CACNA1B: variants seen among roughly 807,000 people sequenced by gnomAD.
The protein encoded by CACNA1B is voltage-dependent N-type calcium channel subunit alpha-1B.
A neutral mutation model predicts 247.2 loss-of-function variants in CACNA1B; 70 were observed. The ratio of observed to expected loss-of-function variants is 0.28; its 90% CI spans 0.23 to 0.35. CACNA1B has a LOEUF of 0.35. Among genes scored for constraint, CACNA1B ranks in the 10% least tolerant of loss-of-function variants. The pLI, the probability that CACNA1B is intolerant of heterozygous loss-of-function variation, is 1.00. For missense variants in CACNA1B, 2,367 were observed against 3,197.4 expected (o/e 0.74, Z 6.26); for synonymous variants, 1,231 against 1,294.4 (o/e 0.95, Z 1.05).
In CACNA1B at chr9:137,971,423, A is replaced by G. The variant is rs367622683; in HGVS notation, c.1374A>G (p.Thr458=). ...GCGCCAGCCTCAAGAGCGGGAAGAC[A>G]GAGAGCTCGTCATACTTCCGGAGGA... The part of the protein sequence containing the change: ...FARASLKSGK[T]ESSSYFRRKE... The change falls in exon 11 of 47, where the codon ACA becomes ACG. Residue 458 remains threonine (T), a synonymous_variant. Coordinates refer to ENST00000371372, the MANE Select transcript of CACNA1B (RefSeq NM_000718.4). This position sits in a 1 kb window ranked among gnomAD's most constrained non-coding sequence, Gnocchi z 4.4. 57 of 1,613,512 alleles carry G rather than the reference A, an allele frequency of 3.5e-5. No homozygotes were observed. The African/African-American group carries it at 5.7e-4, about 16-fold the overall frequency.
At chr9:137,946,645 C>G (rs2133327260) in intron 6 of CACNA1B, among the ~76,000 whole-genome samples, 1 of 152,012 alleles carries the variant, frequency 6.6e-6, no homozygotes, top group East Asian at 1.9e-4. Flanking sequence ...TCATGTGAAC[C>G]AGGCAGTGGT....
chr9:138,061,401 C>T (rs1296669598), intron 31 of CACNA1B, among the ~76,000 whole-genome samples: 2 of 152,118 alleles, frequency 1.3e-5, no homozygotes, highest in African/African-American at 4.8e-5. Flanking sequence ...TGAGACAGGC[C>T]CCTTCTTCTT....
At position 137,957,627 on chromosome 9, in the gene CACNA1B, A is replaced by G; in HGVS notation, c.1273A>G (p.Arg425Gly). The change falls in exon 10 of 47, where the codon AGA becomes GGA. Residue 425 changes from arginine to glycine, a missense_variant. By Grantham distance (125) the Arg-to-Gly change is moderately radical. Around this residue, in one of 12 missense-constraint regions of CACNA1B, gnomAD observed 219 missense variants for 297.6 expected, o/e 0.74. Coordinates refer to ENST00000371372, the MANE Select transcript of CACNA1B (RefSeq NM_000718.4). This position sits in a 1 kb window ranked among gnomAD's most constrained non-coding sequence, Gnocchi z 4.7. ...VLKRAATKKS[R>G]NDLIHAEEGE... ...GAAGAGAGCGGCCACCAAGAAGAGC[A>G]GAAATGACCTGATCCACGCAGAGGA... is the stretch of plus-strand genomic sequence containing the variant. 6.2e-7 allele frequency: 1 copy of G among 1,602,300 alleles called. No individual in the cohort carries two copies. The highest frequency in any genetic ancestry group is 1.1e-5 in the South Asian group (1 of 87,976).
At chr9:138,037,573 CG>C (rs1473873812) in intron 20 of CACNA1B, among the ~76,000 whole-genome samples, 1 of 151,974 alleles carries the variant, frequency 6.6e-6, no homozygotes, top group African/African-American at 2.4e-5. Flanking sequence ...CCAGGAGAAT[CG>C]CTTGAACACG....
At chr9:138,000,261 G>A (rs962834903) in intron 15 of CACNA1B, among the ~76,000 whole-genome samples, 8 of 152,006 alleles carry the variant, frequency 5.3e-5, no homozygotes, top group Non-Finnish European at 1.2e-4. Flanking sequence ...ACTACGCCCG[G>A]CTAATTTTTT....
intron 39 of CACNA1B, among the ~76,000 whole-genome samples, chr9:138,110,824 A>G (rs1589133759): frequency 6.6e-6 from 1 of 152,226 alleles, no homozygotes; most frequent in Non-Finnish European, 1.5e-5. Flanking sequence ...AGTATTCCTA[A>G]TATATGAAGA....
chr9:137,928,822 CT>C (rs1957579269), intron 6 of CACNA1B, among the ~76,000 whole-genome samples: 1 of 152,160 alleles, frequency 6.6e-6, no homozygotes, highest in African/African-American at 2.4e-5. Flanking sequence ...AAGCACTAAC[CT>C]TTCTGTCTCT....
intron 31 of CACNA1B, among the ~76,000 whole-genome samples, chr9:138,065,864 T>C (rs1034913599): frequency 2.0e-5 from 3 of 152,066 alleles, no homozygotes; most frequent in Admixed American, 2.0e-4. Context: ...CTTTACAGAT[T>C]TGCCCAAGAT....
intron 11 of CACNA1B, 103 bp from the exon 12 acceptor site, chr9:137,975,804 T>TCAGCCCTGGGAAGGCC: frequency 1.4e-6 from 1 of 737,912 alleles, no homozygotes; most frequent in Admixed American, 2.1e-5. Flanking sequence ...CCTGGAAGGC[T>TCAGCCCTGGGAAGGCC]CAGCCCTGGG....
intron 20 of CACNA1B, among the ~76,000 whole-genome samples, chr9:138,038,077 T>C (rs578092808): frequency 1.3e-5 from 2 of 152,328 alleles, no homozygotes; most frequent in East Asian, 3.9e-4. Context: ...TTTATAAGTT[T>C]TCAAAATAAT....
intron 39 of CACNA1B, among the ~76,000 whole-genome samples, chr9:138,107,561 T>C (rs1961474328): frequency 6.6e-6 from 1 of 152,032 alleles, no homozygotes. Flanking sequence ...ATGTGGCCAC[T>C]CCTCTCCCTT....
At position 137,882,532 on chromosome 9, in the gene CACNA1B, C is replaced by G. The variant is rs1311038546; in HGVS notation, c.391-212C>G. 2.0e-5 allele frequency among the ~76,000 whole-genome samples: 3 copies of G among 152,244 alleles called. No homozygotes were observed. The highest frequency in any genetic ancestry group is 4.8e-5 in the African/African-American group (2 of 41,554). On this transcript the variant is annotated intron_variant, in intron 2 of 46. Transcript: ENST00000371372. The surrounding 1 kb of genome is among the most constrained non-coding windows in gnomAD (Gnocchi z 4.0). ...GTTGCTGCTGTAAACAGTGGTGTCCCCATTAGGGGACATGTGCAGACAGCA... is the reference window on the plus strand; with the variant it reads ...GTTGCTGCTGTAAACAGTGGTGTCCGCATTAGGGGACATGTGCAGACAGCA...
intron 37 of CACNA1B, among the ~76,000 whole-genome samples, chr9:138,097,100 G>C (rs1961080912): frequency 6.6e-6 from 1 of 151,884 alleles, no homozygotes; most frequent in African/African-American, 2.4e-5. Flanking sequence ...TCTTTCTTTT[G>C]GGGACAGGGG....
At chr9:138,049,471 C>T (rs1050814090) in intron 24 of CACNA1B, among the ~76,000 whole-genome samples, 156 bp downstream of exon 24, 5 of 152,152 alleles carry the variant, frequency 3.3e-5, no homozygotes, top group African/African-American at 7.2e-5. Flanking sequence ...CTGCTTGGGG[C>T]GGGGCTGCGT....
At chr9:138,109,928 G>T (rs1393908319) in intron 39 of CACNA1B, among the ~76,000 whole-genome samples, 1 of 152,004 alleles carries the variant, frequency 6.6e-6, no homozygotes, top group Non-Finnish European at 1.5e-5. Context: ...GGGCCTGCTG[G>T]TGTGCACCTG....
intron 3 of CACNA1B, among the ~76,000 whole-genome samples, chr9:137,895,170 T>C (rs191529438): frequency 2.9e-4 from 44 of 152,350 alleles, no homozygotes; most frequent in Admixed American, 6.5e-5. Context: ...TGTCTGGACC[T>C]ATTTCTGGGT....
At chr9:137,940,516 C>T (rs1350597247) in intron 6 of CACNA1B, among the ~76,000 whole-genome samples, 5 of 152,104 alleles carry the variant, frequency 3.3e-5, no homozygotes, top group Non-Finnish European at 7.4e-5. Context: ...CCAATCCTAT[C>T]GACACTATTC....
intron 18 of CACNA1B, among the ~76,000 whole-genome samples, chr9:138,022,331 C>G (rs1006188351): frequency 6.6e-6 from 1 of 152,228 alleles, no homozygotes; most frequent in African/African-American, 2.4e-5. Flanking sequence ...CAGGGGGCAG[C>G]TGCGGGGCTG....
intron 20 of CACNA1B, among the ~76,000 whole-genome samples, chr9:138,039,324 A>G (rs1214172455): frequency 6.6e-6 from 1 of 151,938 alleles, no homozygotes; most frequent in Non-Finnish European, 1.5e-5. Context: ...CTATCCTGAA[A>G]CTGTCTTTTT....
Sources: allele counts gnomAD v4.1 joint callset (sites outside exome capture counted in the v4.1 genomes callset), GRCh38; gene constraint gnomAD v4.1.1; regional missense constraint gnomAD v4.1.1; non-coding constraint Gnocchi (gnomAD v3.1); transcripts MANE v1.5; gene names NCBI Gene and HGNC (gene_info 2026-07-23, HGNC 2026-07-21).